ATRNL1: variants seen among roughly 807,000 people sequenced by gnomAD.
ATRNL1 encodes the protein attractin like 1.
ATRNL1 carries 95 observed loss-of-function variants against 182.7 expected under a neutral mutation model. That is an observed-to-expected ratio of 0.52 (90% CI 0.44 to 0.62). ATRNL1 has a LOEUF of 0.62. ATRNL1 is among the 20% of genes least tolerant of loss of function. The pLI, the probability that ATRNL1 is intolerant of heterozygous loss-of-function variation, is 0.00. For synonymous variants in ATRNL1, 576 were observed against 568.3 expected, an observed-to-expected ratio of 1.01 and a Z score of -0.19; for missense variants, 1,471 against 1,679.5, an observed-to-expected ratio of 0.88 and a Z score of 2.17.
At chr10:115,891,605 A>C (rs929626595) in intron 28 of ATRNL1, among the ~76,000 whole-genome samples, 1 of 152,152 alleles carries the variant, frequency 6.6e-6, no homozygotes, top group Non-Finnish European at 1.5e-5. Flanking sequence ...TCTAGTCATT[A>C]TACATTTATT....
intron 27 of ATRNL1, among the ~76,000 whole-genome samples, chr10:115,738,154 T>TTTTTTTTTTTTTTCTTTTTC (rs71010046): frequency 1.6e-5 from 1 of 63,870 alleles, no homozygotes; most frequent in Non-Finnish European, 3.3e-5. Flanking sequence ...TTTTTTTTTT[T>TTTTTTTTTTTTTTCTTTTTC]TTGAGATGGA....
At chr10:115,536,321 G>A (rs1371583845) in intron 25 of ATRNL1, among the ~76,000 whole-genome samples, 13 of 152,176 alleles carry the variant, frequency 8.5e-5, no homozygotes, top group East Asian at 1.9e-4. Context: ...AATGGCGGGC[G>A]CCCCTCCCCC....
chr10:115,213,684 T>C (rs1849115913), intron 8 of ATRNL1, among the ~76,000 whole-genome samples: 1 of 152,148 alleles, frequency 6.6e-6, no homozygotes, highest in Non-Finnish European at 1.5e-5. Context: ...TTTTAAACTT[T>C]TGATGTGTTA....
chr10:115,271,859 C>T (rs1851881929), intron 13 of ATRNL1, among the ~76,000 whole-genome samples: 1 of 152,136 alleles, frequency 6.6e-6, no homozygotes, highest in South Asian at 2.1e-4. Flanking sequence ...GCCCAAATTT[C>T]TGTTGAAATA....
At chr10:115,211,163 T>C (rs746864180) in intron 8 of ATRNL1, among the ~76,000 whole-genome samples, 5 of 151,694 alleles carry the variant, frequency 3.3e-5, no homozygotes, top group Non-Finnish European at 7.4e-5. Context: ...TTTCTGATGC[T>C]CCAAGCTTCC....
chr10:115,241,490 A>G (rs1033488711), intron 9 of ATRNL1, 81 bp from the exon 10 acceptor site: 183 of 934,868 alleles, frequency 2.0e-4, no homozygotes, highest in Non-Finnish European at 2.6e-4. Context: ...CTATATGCAA[A>G]GTAGACCCTT....
At chr10:115,759,887 G>T (rs1016864394) in intron 27 of ATRNL1, among the ~76,000 whole-genome samples, 7 of 125,046 alleles carry the variant, frequency 5.6e-5, no homozygotes, top group Admixed American at 1.9e-4. Context: ...TAGAGACCAG[G>T]TTTCACCATG....
At chr10:115,820,439 C>G (rs1038716790) in intron 27 of ATRNL1, 5 of 152,092 alleles carry the variant, frequency 3.3e-5, no homozygotes, top group African/African-American at 1.2e-4. Context: ...CATCAGGATA[C>G]AGAAAGGAGA....
chr10:115,736,996 C>T (rs1480959105), intron 27 of ATRNL1, among the ~76,000 whole-genome samples: 3 of 152,078 alleles, frequency 2.0e-5, no homozygotes, highest in African/African-American at 4.8e-5. Flanking sequence ...CTTTTACCCT[C>T]AGGGCCACTC....
intron 26 of ATRNL1, among the ~76,000 whole-genome samples, chr10:115,574,620 C>G (rs2133870263): frequency 6.6e-6 from 1 of 152,256 alleles, no homozygotes; most frequent in Non-Finnish European, 1.5e-5. Flanking sequence ...CTACTTCAAT[C>G]TCAATCACAT....
intron 28 of ATRNL1, among the ~76,000 whole-genome samples, chr10:115,882,734 C>T (rs1196140386): frequency 2.0e-5 from 3 of 152,122 alleles, no homozygotes; most frequent in East Asian, 1.9e-4. Flanking sequence ...GTCTCTTCCC[C>T]GCAGAGCTCT....
chr10:115,214,207 A>G (rs978668845), intron 8 of ATRNL1, among the ~76,000 whole-genome samples: 5 of 152,026 alleles, frequency 3.3e-5, no homozygotes, highest in South Asian at 4.1e-4. Flanking sequence ...GGGAAAGGGT[A>G]ACTTTTACAT....
At chr10:115,532,948 A>G (rs1192090205) in intron 25 of ATRNL1, among the ~76,000 whole-genome samples, 2 of 150,772 alleles carry the variant, frequency 1.3e-5, no homozygotes, top group African/African-American at 4.8e-5. Flanking sequence ...CCAGCCTTGC[A>G]TCCCAGGGAT....
chr10:115,697,426 A>G (rs1276500401), intron 26 of ATRNL1, among the ~76,000 whole-genome samples: 1 of 152,102 alleles, frequency 6.6e-6, no homozygotes, highest in Non-Finnish European at 1.5e-5. Context: ...TCTGGGCTAA[A>G]GCAATTCTGG....
intron 15 of ATRNL1, among the ~76,000 whole-genome samples, chr10:115,297,842 C>G (rs922948727): frequency 3.3e-5 from 5 of 151,936 alleles, no homozygotes; most frequent in Non-Finnish European, 5.9e-5. Flanking sequence ...TACAATATAA[C>G]CTTGAAATGT....
At chr10:115,527,689 A>G (rs1851294897) in intron 25 of ATRNL1, among the ~76,000 whole-genome samples, 1 of 152,128 alleles carries the variant, frequency 6.6e-6, no homozygotes, top group Admixed American at 6.5e-5. Context: ...AAATTCATTG[A>G]CATATTTACA....
At chr10:115,800,045 A>G (rs747887160) in intron 27 of ATRNL1, among the ~76,000 whole-genome samples, 24 of 151,846 alleles carry the variant, frequency 1.6e-4, no homozygotes, top group Non-Finnish European at 2.2e-4. Context: ...ACATGGAGAA[A>G]CCCTGTCTCT....
intron 27 of ATRNL1, among the ~76,000 whole-genome samples, chr10:115,757,648 C>A (rs1948625629): frequency 6.6e-6 from 1 of 152,110 alleles, no homozygotes; most frequent in Non-Finnish European, 1.5e-5. Context: ...TTGGGTTGCT[C>A]TTCTCAAGGA....
chr10:115,464,096 T>G (rs540891904), intron 22 of ATRNL1, among the ~76,000 whole-genome samples: 8 of 152,172 alleles, frequency 5.3e-5, no homozygotes, highest in Admixed American at 2.6e-4. Context: ...CTTTCTACTA[T>G]CTTGTCCAGT....
Sources: allele counts gnomAD v4.1 joint callset (sites outside exome capture counted in the v4.1 genomes callset), GRCh38; gene constraint gnomAD v4.1.1; transcripts MANE v1.5; gene names NCBI Gene and HGNC (gene_info 2026-07-23, HGNC 2026-07-21).